CARMIL1: variants seen among roughly 807,000 people sequenced by gnomAD.
The protein encoded by CARMIL1 is F-actin-uncapping protein LRRC16A.
In CARMIL1, 90 loss-of-function variants were observed where a neutral mutation model predicts 177.1. The observed-to-expected ratio is 0.51, with a 90% confidence interval of 0.43 to 0.61. The LOEUF is 0.61. Ranked by LOEUF, CARMIL1 falls within the 20% of genes least tolerant of loss-of-function variation. The pLI is 0.00. For synonymous variants in CARMIL1, 577 were observed against 606.2 expected, an observed-to-expected ratio of 0.95 and a Z score of 0.71; for missense variants, 1,380 against 1,667.0, an observed-to-expected ratio of 0.83 and a Z score of 3.00.
intron 17 of CARMIL1, among the ~76,000 whole-genome samples, chr6:25,505,860 T>TGAG (rs71310734): frequency 0.44 from 66,179 of 151,862 alleles, 14,766 homozygotes; most frequent in Middle Eastern, 0.52. Context: ...TCCTTCCAAA[T>TGAG]AGACAAAAGT....
chr6:25,382,573 G>A (rs550677544), intron 2 of CARMIL1, among the ~76,000 whole-genome samples: 8 of 152,042 alleles, frequency 5.3e-5, no homozygotes, highest in Admixed American at 1.3e-4. Flanking sequence ...ATTTGTCCCC[G>A]CCTATGTCCT....
intron 11 of CARMIL1, among the ~76,000 whole-genome samples, chr6:25,473,201 C>T (rs1801234877): frequency 6.6e-6 from 1 of 152,140 alleles, no homozygotes; most frequent in South Asian, 2.1e-4. Flanking sequence ...CTGCATCAGG[C>T]CCACCCGTGA....
At chr6:25,324,149 G>A (rs990603252) in intron 2 of CARMIL1, among the ~76,000 whole-genome samples, 1 of 152,170 alleles carries the variant, frequency 6.6e-6, no homozygotes, top group Non-Finnish European at 1.5e-5. Flanking sequence ...AGACCTGTAG[G>A]AACACCTTCT....
At chr6:25,440,466 A>G (rs915988236) in intron 5 of CARMIL1, among the ~76,000 whole-genome samples, 10 of 152,228 alleles carry the variant, frequency 6.6e-5, no homozygotes, top group African/African-American at 2.4e-4. Flanking sequence ...CAACACACAC[A>G]GTTAGCTTGT....
intron 2 of CARMIL1, among the ~76,000 whole-genome samples, chr6:25,342,732 G>A (rs1787069804): frequency 6.6e-6 from 1 of 152,002 alleles, no homozygotes; most frequent in South Asian, 2.1e-4. Flanking sequence ...ATTTCTTATA[G>A]TTTCTCTATA....
chr6:25,387,970 A>G (rs1284946104), intron 2 of CARMIL1, among the ~76,000 whole-genome samples: 2 of 152,224 alleles, frequency 1.3e-5, no homozygotes, highest in Non-Finnish European at 2.9e-5. Flanking sequence ...AGGAAGGAAC[A>G]GAACGATGAG....
rs78027055 is a variant in CARMIL1, at chr6:25,567,400, C to G, written c.2742+10550C>G. On this transcript the variant is annotated intron_variant, in intron 29 of 36. Transcript: ENST00000329474. The stretch of plus-strand genomic sequence containing the variant: ...ATACCTCCTCCAATTATGGGGCAAG[C>G]AATGGCATGGATTGTAGATGCCTGA... 5.9e-5 allele frequency among the ~76,000 whole-genome samples: 9 copies of G among 152,286 alleles called. No individual in the cohort carries two copies. In the East Asian group the frequency reaches 1.7e-3, roughly 29 times the overall value.
intron 23 of CARMIL1, among the ~76,000 whole-genome samples, chr6:25,526,342 C>CA (rs535399136): frequency 4.6e-4 from 63 of 136,228 alleles, no homozygotes; most frequent in South Asian, 1.4e-3. Flanking sequence ...GACTCCGTCT[C>CA]AAAAAAAAAA....
chr6:25,543,993 G>A (rs1809168356), intron 26 of CARMIL1, among the ~76,000 whole-genome samples: 1 of 152,030 alleles, frequency 6.6e-6, no homozygotes, highest in African/African-American at 2.4e-5. Context: ...TGTCATTAGA[G>A]ATACATCAAA....
At chr6:25,544,209 A>T (rs1030012546) in intron 26 of CARMIL1, among the ~76,000 whole-genome samples, 3 of 152,148 alleles carry the variant, frequency 2.0e-5, no homozygotes, top group Non-Finnish European at 4.4e-5. Context: ...AAGAGATGAC[A>T]GCTGAGAATT....
chr6:25,289,674 C>T (rs1427173753), intron 2 of CARMIL1, among the ~76,000 whole-genome samples: 1 of 152,202 alleles, frequency 6.6e-6, no homozygotes, highest in Non-Finnish European at 1.5e-5. Flanking sequence ...ATTTTAAGAA[C>T]ATTATATAAA....
chr6:25,337,999 T>A (rs1293890305), intron 2 of CARMIL1, among the ~76,000 whole-genome samples: 1 of 152,132 alleles, frequency 6.6e-6, no homozygotes, highest in Non-Finnish European at 1.5e-5. Flanking sequence ...TCTTCCCCCT[T>A]CTTCCATAGC....
chr6:25,580,658 T>G (rs749193025), intron 29 of CARMIL1, among the ~76,000 whole-genome samples: 2 of 152,208 alleles, frequency 1.3e-5, no homozygotes, highest in Non-Finnish European at 2.9e-5. Flanking sequence ...CTTACACAGC[T>G]TGGAATTAAA....
Position 25,368,055 on chromosome 6 carries a change from C to T in CARMIL1, c.139-52059C>T, listed in dbSNP as rs562943667. Among the ~76,000 whole-genome samples, 22 of 152,276 alleles carry T rather than the reference C, an allele frequency of 1.4e-4. No individual in the cohort carries two copies. In the South Asian group the frequency reaches 2.9e-3, roughly 20 times the overall value. ...GATTACAGGCGTGAGCCACCGCACCCGGCTGCATTCAGACCTTTCCACGTC... is the reference window on the plus strand; with the variant it reads ...GATTACAGGCGTGAGCCACCGCACCTGGCTGCATTCAGACCTTTCCACGTC... On this transcript the variant is annotated intron_variant, in intron 2 of 36. Coordinates refer to ENST00000329474, the MANE Select transcript of CARMIL1 (RefSeq NM_017640.6).
chr6:25,536,044 G>A (rs888474084), intron 24 of CARMIL1, among the ~76,000 whole-genome samples: 1 of 152,128 alleles, frequency 6.6e-6, no homozygotes, highest in African/African-American at 2.4e-5. Context: ...CATTTCAAGT[G>A]TCTCTTTGTT....
intron 5 of CARMIL1, among the ~76,000 whole-genome samples, chr6:25,442,926 C>T (rs1797911731): frequency 6.6e-6 from 1 of 152,160 alleles, no homozygotes; most frequent in South Asian, 2.1e-4. Flanking sequence ...TCCAAATCTA[C>T]CATCAAGATT....
intron 26 of CARMIL1, among the ~76,000 whole-genome samples, chr6:25,542,934 C>G (rs1211749537): frequency 2.6e-5 from 4 of 152,194 alleles, no homozygotes; most frequent in African/African-American, 9.6e-5. Flanking sequence ...CTACTACTAT[C>G]AAATTTTCCT....
At chr6:25,568,966 GT>G (rs1811819448) in intron 29 of CARMIL1, among the ~76,000 whole-genome samples, 3 of 152,134 alleles carry the variant, frequency 2.0e-5, no homozygotes, top group African/African-American at 4.8e-5. Flanking sequence ...TAATGCCCTA[GT>G]GGCATATAAG....
intron 17 of CARMIL1, among the ~76,000 whole-genome samples, chr6:25,503,001 C>G (rs1237703606): frequency 1.3e-5 from 2 of 152,198 alleles, no homozygotes; most frequent in East Asian, 3.9e-4. Flanking sequence ...GTAGATGAAC[C>G]CTATAAAACT....
Sources: allele counts gnomAD v4.1 joint callset (sites outside exome capture counted in the v4.1 genomes callset), GRCh38; gene constraint gnomAD v4.1.1; transcripts MANE v1.5; gene names NCBI Gene and HGNC (gene_info 2026-07-23, HGNC 2026-07-21).